Variants in ERBB4 observed in about 807,000 individuals in gnomAD.
ERBB4 encodes the protein receptor tyrosine-protein kinase erbB-4.
Under a neutral mutation model 158.0 loss-of-function variants are expected in ERBB4, and 42 were observed. That is an observed-to-expected ratio of 0.27 (90% CI 0.21 to 0.34). ERBB4 has a LOEUF of 0.34. Ranked by LOEUF, ERBB4 falls within the 10% of genes least tolerant of loss-of-function variation. ERBB4 has a pLI of 1.00. For missense variants in ERBB4, 1,333 were observed against 1,624.1 expected (o/e 0.82, Z 3.08); for synonymous variants, 583 against 558.7 (o/e 1.04, Z -0.61).
At chr2:211,582,517 T>A (rs1046570961) in intron 19 of ERBB4, among the ~76,000 whole-genome samples, 3 of 152,264 alleles carry the variant, frequency 2.0e-5, no homozygotes, top group Non-Finnish European at 1.5e-5. Flanking sequence ...AAAATAAAAA[T>A]TTTAAATTAT....
At chr2:212,135,461 T>TATC (rs60665744) in intron 1 of ERBB4, among the ~76,000 whole-genome samples, 4,341 of 152,262 alleles carry the variant, frequency 0.029, 144 homozygotes, top group African/African-American at 0.078. Flanking sequence ...TCATATCAAA[T>TATC]AACAACTAAC....
chr2:212,060,734 C>A (rs1575582964), intron 2 of ERBB4, among the ~76,000 whole-genome samples: 1 of 149,830 alleles, frequency 6.7e-6, no homozygotes, highest in East Asian at 2.1e-4. Context: ...ACCACATGGT[C>A]TCACTCATAG....
rs139273836 is a variant in ERBB4, at chr2:211,720,854, G to C, written c.883+1539C>G. On this transcript the variant is annotated intron_variant, in intron 7 of 27. Transcript: ENST00000342788. ...CGTTCTCCCATTTCTCCAAAAGCTT[G>C]ACTTTCTAAGCTACACATAAACATA... Among the ~76,000 whole-genome samples, 4 of 152,252 alleles carry C rather than the reference G, an allele frequency of 2.6e-5. No homozygotes were observed. In the East Asian group the frequency reaches 7.7e-4, roughly 29 times the overall value.
intron 1 of ERBB4, among the ~76,000 whole-genome samples, chr2:212,227,019 G>T (rs1239905836): frequency 6.6e-6 from 1 of 152,092 alleles, no homozygotes; most frequent in Admixed American, 6.6e-5. Flanking sequence ...GCCGAGGCTG[G>T]CAGAACGCTT....
intron 3 of ERBB4, among the ~76,000 whole-genome samples, chr2:211,856,042 A>T (rs572888165): frequency 7.9e-5 from 12 of 152,224 alleles, no homozygotes; most frequent in South Asian, 2.1e-4. Flanking sequence ...CGGGTACACT[A>T]AAAGCTAAGA....
intron 3 of ERBB4, among the ~76,000 whole-genome samples, chr2:211,828,102 T>G (rs1161490941): frequency 6.6e-6 from 1 of 152,150 alleles, no homozygotes; most frequent in East Asian, 1.9e-4. Context: ...TAGAAAAATC[T>G]TAGGGAATGT....
intron 12 of ERBB4, among the ~76,000 whole-genome samples, chr2:211,689,117 T>C (rs2072695617): frequency 6.6e-6 from 1 of 152,190 alleles, no homozygotes; most frequent in African/African-American, 2.4e-5. Context: ...CCAATAGCAA[T>C]AGTGCTTATT....
intron 1 of ERBB4, among the ~76,000 whole-genome samples, chr2:212,378,589 G>A (rs1050445085): frequency 1.3e-4 from 20 of 151,708 alleles, no homozygotes; most frequent in South Asian, 2.1e-4. Flanking sequence ...CATTCAAAGC[G>A]CTCATTTTTT....
chr2:211,849,299 T>A (rs575678805), intron 3 of ERBB4, among the ~76,000 whole-genome samples: 1 of 152,012 alleles, frequency 6.6e-6, no homozygotes, highest in South Asian at 2.1e-4. Flanking sequence ...CAGATGGGAG[T>A]ATTCTAAGAA....
At chr2:212,390,937 A>G (rs2090836220) in intron 1 of ERBB4, among the ~76,000 whole-genome samples, 1 of 151,856 alleles carries the variant, frequency 6.6e-6, no homozygotes, top group African/African-American at 2.4e-5. Context: ...TCATGGTTTT[A>G]AAACAAATCT....
At chr2:212,241,221 C>A (rs912473060) in intron 1 of ERBB4, among the ~76,000 whole-genome samples, 2 of 151,834 alleles carry the variant, frequency 1.3e-5, no homozygotes, top group East Asian at 1.9e-4. Context: ...CATGACACTG[C>A]ACTCCAGATT....
At chr2:211,925,471 T>C (rs2079993552) in intron 3 of ERBB4, among the ~76,000 whole-genome samples, 1 of 146,120 alleles carries the variant, frequency 6.8e-6, no homozygotes, top group Non-Finnish European at 1.5e-5. Context: ...AACCTCTGCC[T>C]TCCGGGTTCA....
At chr2:212,463,592 G>C (rs1309307021) in intron 1 of ERBB4, among the ~76,000 whole-genome samples, 1 of 151,570 alleles carries the variant, frequency 6.6e-6, no homozygotes, top group African/African-American at 2.4e-5. Context: ...ACCTGAAAAG[G>C]CTTATTTGAT....
intron 1 of ERBB4, among the ~76,000 whole-genome samples, chr2:212,392,731 T>G (rs1302781264): frequency 6.6e-6 from 1 of 152,094 alleles, no homozygotes; most frequent in Non-Finnish European, 1.5e-5. Flanking sequence ...GCACATCTTT[T>G]TTGTGCAATA....
chr2:211,408,539 G>A (rs947035198), intron 25 of ERBB4, among the ~76,000 whole-genome samples: 6 of 152,134 alleles, frequency 3.9e-5, no homozygotes, highest in Admixed American at 1.3e-4. Flanking sequence ...ATTCTTTAGC[G>A]CCAGACTCTC....
At chr2:211,861,297 A>G (rs1307042194) in intron 3 of ERBB4, among the ~76,000 whole-genome samples, 3 of 138,198 alleles carry the variant, frequency 2.2e-5, no homozygotes, top group Non-Finnish European at 4.6e-5. Context: ...AGTTGCTGGG[A>G]CCACAAATTC....
chr2:212,264,821 G>A (rs756236908), intron 1 of ERBB4, among the ~76,000 whole-genome samples: 5 of 152,086 alleles, frequency 3.3e-5, no homozygotes, highest in Admixed American at 6.6e-5. Context: ...AAAGTAACCT[G>A]AGTAAATGAT....
At chr2:212,234,078 A>T (rs2083763799) in intron 1 of ERBB4, among the ~76,000 whole-genome samples, 3 of 151,736 alleles carry the variant, frequency 2.0e-5, no homozygotes. Context: ...GGTTTGCTGC[A>T]CTCATCAACC....
At chr2:211,461,320 T>A (rs550427632) in intron 20 of ERBB4, among the ~76,000 whole-genome samples, 53 of 152,218 alleles carry the variant, frequency 3.5e-4, no homozygotes, top group South Asian at 8.3e-4. Context: ...ACTAATGAGA[T>A]GAAAGAAATC....
Sources: gnomAD v4.1 joint callset for allele counts (sites outside exome capture counted in the v4.1 genomes callset) on GRCh38, gnomAD v4.1.1 for gene constraint, MANE v1.5 for transcripts, NCBI Gene and HGNC (gene_info 2026-07-23, HGNC 2026-07-21) for gene names.